The following QKI variants were observed in gnomAD, a reference collection of about 807,000 sequenced individuals.
QKI encodes the protein KH domain-containing RNA-binding protein QKI.
In QKI, 10 loss-of-function variants were observed where a neutral mutation model predicts 39.0. The ratio of observed to expected loss-of-function variants is 0.26; its 90% confidence interval spans 0.16 to 0.43. The LOEUF (loss-of-function observed/expected upper bound fraction) is 0.43, where lower values mean the gene tolerates loss of function less well. Among genes scored for constraint, QKI ranks in the 20% least tolerant of loss-of-function variants. The probability of loss-of-function intolerance (pLI) is 1.00; values close to 1 mark genes in which losing one functional copy is unlikely to be tolerated. For missense variants in QKI, 218 were observed against 428.0 expected, an observed-to-expected ratio of 0.51 and a Z score of 4.33; for synonymous variants, 204 against 155.4, an observed-to-expected ratio of 1.31 and a Z score of -2.33.
intron 2 of QKI, among the ~76,000 whole-genome samples, chr6:163,463,497 G>T (rs148081210): frequency 2.0e-5 from 3 of 152,164 alleles, no homozygotes; most frequent in Non-Finnish European, 4.4e-5. Context: ...GTGATACTTC[G>T]ATTTGACACC....
chr6:163,472,382 A>G (rs1252504116), intron 2 of QKI, among the ~76,000 whole-genome samples: 1 of 152,136 alleles, frequency 6.6e-6, no homozygotes, highest in Non-Finnish European at 1.5e-5. Flanking sequence ...TACTGTCTCA[A>G]GGGTGGCAGA....
chr6:163,451,058 G>A (rs1431942158), intron 1 of QKI, among the ~76,000 whole-genome samples: 4 of 152,136 alleles, frequency 2.6e-5, no homozygotes, highest in Admixed American at 2.6e-4. Flanking sequence ...AAGAATATCA[G>A]CTGATAGATT....
At chr6:163,433,788 C>T (rs1314982952) in intron 1 of QKI, among the ~76,000 whole-genome samples, 3 of 151,870 alleles carry the variant, frequency 2.0e-5, no homozygotes, top group African/African-American at 4.8e-5. Context: ...GAATGAACCA[C>T]GAAAGGTAGC....
intron 1 of QKI, among the ~76,000 whole-genome samples, chr6:163,447,820 T>C (rs1235011123): frequency 6.6e-6 from 1 of 152,196 alleles, no homozygotes; most frequent in East Asian, 1.9e-4. Context: ...GGCAGTCCCA[T>C]GCTTGCAGTG....
intron 1 of QKI, among the ~76,000 whole-genome samples, chr6:163,450,059 A>G (rs1332953271): frequency 1.3e-5 from 2 of 151,874 alleles, no homozygotes; most frequent in South Asian, 2.1e-4. Flanking sequence ...GTGTATATAT[A>G]TATGTATTTC....
chr6:163,434,831 A>G (rs1210598926), intron 1 of QKI, among the ~76,000 whole-genome samples: 2 of 152,120 alleles, frequency 1.3e-5, no homozygotes, highest in African/African-American at 4.8e-5. Context: ...TAATATTATT[A>G]TTGGAGAAAT....
Position 163,573,324 on chromosome 6 carries a change from G to C in QKI, c.*2614G>C, listed in dbSNP as rs551618714. The C allele has an allele frequency of 6.6e-6, 1 of 152,014 alleles. No individual in the cohort carries two copies. Among genetic ancestry groups the C allele is most frequent in the Non-Finnish European group, 1.5e-5 (1 of 67,996 alleles). The allele number at this position is 152,014 out of a possible 1,614,324, so 9.4% of individuals were successfully genotyped here. ...TGACAGTATTATGTAATTTTTTAGC[G>C]TGGGTAGATGGGAGTGTCGCTTGTA... On this transcript the variant is annotated 3_prime_UTR_variant, in exon 8 of 8. Coordinates refer to ENST00000361752, the MANE Select transcript of QKI (RefSeq NM_006775.3).
chr6:163,499,150 A>T (rs1430796590), intron 3 of QKI, among the ~76,000 whole-genome samples: 1 of 152,148 alleles, frequency 6.6e-6, no homozygotes, highest in East Asian at 1.9e-4. Flanking sequence ...TTTTTGGATT[A>T]AGGATGCTCA....
intron 1 of QKI, chr6:163,428,893 C>G (rs1024415536): frequency 6.6e-6 from 1 of 152,136 alleles, no homozygotes. Flanking sequence ...ACCTTTGTAA[C>G]TGATAATAAC....
intron 2 of QKI, among the ~76,000 whole-genome samples, chr6:163,463,320 T>C (rs1019253814): frequency 2.6e-5 from 4 of 152,134 alleles, no homozygotes; most frequent in African/African-American, 9.7e-5. Flanking sequence ...TCACATGTAT[T>C]AGATGTAGGT....
At chr6:163,564,603 T>G in intron 6 of QKI, 1 of 1,610,354 alleles carries the variant, frequency 6.2e-7, no homozygotes, top group Non-Finnish European at 8.5e-7. Context: ...TATAAACGCT[T>G]GGTTTTACAT....
At chr6:163,415,881 CAATACTA>C (rs1469798615) in intron 1 of QKI, 6 of 510,520 alleles carry the variant, frequency 1.2e-5, no homozygotes, top group African/African-American at 1.2e-4. Flanking sequence ...TGCAGCTGTT[CAATACTA>C]AGTGGAAGTC....
At chr6:163,416,792 C>T (rs1787543402) in intron 1 of QKI, among the ~76,000 whole-genome samples, 1 of 152,062 alleles carries the variant, frequency 6.6e-6, no homozygotes, top group Non-Finnish European at 1.5e-5. Flanking sequence ...GCTGTTGGAA[C>T]AGCAAATCTG....
chr6:163,539,394 G>A (rs1031238049), intron 4 of QKI, among the ~76,000 whole-genome samples: 1 of 152,064 alleles, frequency 6.6e-6, no homozygotes, highest in Admixed American at 6.6e-5. Flanking sequence ...AAAGAACCGG[G>A]ATTTTTTCCC....
At chr6:163,562,262 A>G (rs757931775) in intron 5 of QKI, among the ~76,000 whole-genome samples, 193 bp downstream of exon 5, 1 of 152,196 alleles carries the variant, frequency 6.6e-6, no homozygotes, top group Non-Finnish European at 1.5e-5. Context: ...ATTTTATTTT[A>G]TGTCAGCATG....
intron 6 of QKI, chr6:163,564,257 T>A (rs1167108545): frequency 9.7e-7 from 1 of 1,028,368 alleles, no homozygotes; most frequent in Non-Finnish European, 1.2e-6. Context: ...AGTCTAAGAA[T>A]TGCCTTGTCT....
chr6:163,561,896 C>T (rs1783044137), intron 4 of QKI, 86 bp from the exon 5 acceptor site: 1 of 1,014,772 alleles, frequency 9.9e-7, no homozygotes, highest in African/African-American at 1.6e-5. Flanking sequence ...TCACATGATA[C>T]TTACTTTAAG....
At chr6:163,447,435 A>G (rs916314445) in intron 1 of QKI, among the ~76,000 whole-genome samples, 1 of 152,006 alleles carries the variant, frequency 6.6e-6, no homozygotes, top group African/African-American at 2.4e-5. Context: ...CTGCTGTTGA[A>G]CAGTAAAATT....
At position 163,489,367 on chromosome 6, in the gene QKI, T is replaced by G. The variant is rs141470649; in HGVS notation, c.402+10471T>G. On this transcript the variant is annotated intron_variant, in intron 3 of 7. Transcript: ENST00000361752. ...AGTTTCCCCCCAGCTTCACAAAACT[T>G]TGCTCTGTTGTGCAGGAGATTGAGC... Among the ~76,000 whole-genome samples the G allele has an allele frequency of 4.5e-4, 68 of 152,114 alleles. 2 individuals carry two copies. The East Asian group carries it at 0.013, about 29-fold the overall frequency.
Sources: allele counts gnomAD v4.1 joint callset (sites outside exome capture counted in the v4.1 genomes callset), GRCh38; gene constraint gnomAD v4.1.1; transcripts MANE v1.5; gene names NCBI Gene and HGNC (gene_info 2026-07-23, HGNC 2026-07-21).